GRIN3A: variants seen among roughly 807,000 people sequenced by gnomAD.
The protein encoded by GRIN3A is glutamate receptor ionotropic, NMDA 3A.
Under a neutral mutation model 92.4 loss-of-function variants are expected in GRIN3A, and 47 were observed. That is an observed-to-expected ratio of 0.51 (90% CI 0.40 to 0.65). GRIN3A has a LOEUF of 0.65. GRIN3A is among the 30% of genes least tolerant of loss of function. The pLI, the probability that GRIN3A is intolerant of heterozygous loss-of-function variation, is 0.00. For synonymous variants in GRIN3A, 527 were observed against 540.6 expected, an observed-to-expected ratio of 0.97 and a Z score of 0.35; for missense variants, 1,324 against 1,393.1, an observed-to-expected ratio of 0.95 and a Z score of 0.79.
intron 3 of GRIN3A, among the ~76,000 whole-genome samples, chr9:101,635,248 T>A (rs1828769769): frequency 1.3e-5 from 2 of 150,910 alleles, no homozygotes; most frequent in African/African-American, 4.9e-5. Flanking sequence ...TTGTAGGGAC[T>A]AGAGGTCAGC....
At chr9:101,696,359 G>C (rs1216516043) in intron 1 of GRIN3A, among the ~76,000 whole-genome samples, 1 of 152,202 alleles carries the variant, frequency 6.6e-6, no homozygotes, top group African/African-American at 2.4e-5. Flanking sequence ...CCCAGTCAGG[G>C]ATGAAAGAGG....
At chr9:101,588,095 T>A (rs1827971077) in intron 6 of GRIN3A, among the ~76,000 whole-genome samples, 1 of 151,980 alleles carries the variant, frequency 6.6e-6, no homozygotes, top group South Asian at 2.1e-4. Context: ...AAAGACAGAG[T>A]TTCCCAGGTG....
At chr9:101,653,960 G>C (rs989364663) in intron 3 of GRIN3A, among the ~76,000 whole-genome samples, 2 of 151,790 alleles carry the variant, frequency 1.3e-5, no homozygotes, top group Non-Finnish European at 2.9e-5. Context: ...ATTTAGAGCT[G>C]ACTTGTGTGG....
intron 1 of GRIN3A, among the ~76,000 whole-genome samples, chr9:101,720,478 A>G (rs1421548523): frequency 6.6e-6 from 1 of 152,130 alleles, no homozygotes; most frequent in Non-Finnish European, 1.5e-5. Context: ...TCCCGACTCC[A>G]TATCCCCTTG....
At chr9:101,634,149 C>T (rs1430381602) in intron 3 of GRIN3A, among the ~76,000 whole-genome samples, 1 of 151,606 alleles carries the variant, frequency 6.6e-6, no homozygotes, top group Non-Finnish European at 1.5e-5. Flanking sequence ...CTGGCTAACA[C>T]GGTGAAACCC....
intron 2 of GRIN3A, among the ~76,000 whole-genome samples, chr9:101,684,465 G>C (rs1829505750): frequency 6.6e-6 from 1 of 151,914 alleles, no homozygotes; most frequent in Non-Finnish European, 1.5e-5. Context: ...CTAGGCATTG[G>C]ATAAGGCTCA....
chr9:101,613,808 C>T lies in GRIN3A; in HGVS notation c.2615-281G>A, dbSNP rs181867773. Among the ~76,000 whole-genome samples the T allele has an allele frequency of 2.5e-3, 384 of 152,258 alleles. 2 individuals carry two copies. Among genetic ancestry groups the T allele is most frequent in the African/African-American group, 8.9e-3 (368 of 41,546 alleles). On this transcript the variant is annotated intron_variant, in intron 5 of 8. Transcript: ENST00000361820. ...CTTCTGCCTTTCCCATTAAGACATT[C>T]CTTAGAGGCAATCTTTGAGGTCTTT...
At chr9:101,653,040 G>A (rs1211572093) in intron 3 of GRIN3A, among the ~76,000 whole-genome samples, 4 of 151,694 alleles carry the variant, frequency 2.6e-5, no homozygotes, top group Admixed American at 1.3e-4. Context: ...TTTCACAAAT[G>A]TTTCCATTTA....
Position 101,710,320 on chromosome 9 carries a change from T to C in GRIN3A, c.700-23120A>G, listed in dbSNP as rs571721264. Among the ~76,000 whole-genome samples, 5 of 152,336 alleles carry C rather than the reference T, an allele frequency of 3.3e-5. No homozygotes were observed. The East Asian group carries it at 9.6e-4, about 29-fold the overall frequency. On this transcript the variant is annotated intron_variant, in intron 1 of 8. Coordinates refer to ENST00000361820, the MANE Select transcript of GRIN3A (RefSeq NM_133445.3). ...CAAATCTTTCTATTTTGGAGAATTC[T>C]TACTGAGTCTCATGCATACACACAA...
At chr9:101,621,455 A>G (rs1009288365) in intron 5 of GRIN3A, among the ~76,000 whole-genome samples, 22 of 152,154 alleles carry the variant, frequency 1.4e-4, no homozygotes, top group African/African-American at 5.3e-4. Context: ...AATTGAATTA[A>G]TTTTCTGATG....
At chr9:101,621,851 G>A (rs1466869186) in intron 5 of GRIN3A, among the ~76,000 whole-genome samples, 1 of 152,164 alleles carries the variant, frequency 6.6e-6, no homozygotes, top group African/African-American at 2.4e-5. Context: ...AATGGCAGAA[G>A]GGATCTCAGT....
chr9:101,658,760 G>GTCTATCTATCTATCTATCTA (rs60257626), intron 3 of GRIN3A, among the ~76,000 whole-genome samples: 4,212 of 151,444 alleles, frequency 0.028, 58 homozygotes, highest in South Asian at 0.037. Flanking sequence ...CTGTCTATCT[G>GTCTATCTATCTATCTATCTA]TCTATCTATC....
chr9:101,705,456 G>A (rs1829804320), intron 1 of GRIN3A, among the ~76,000 whole-genome samples: 1 of 152,090 alleles, frequency 6.6e-6, no homozygotes. Context: ...GCTCAATAAA[G>A]TCTCCACATT....
At chr9:101,575,380 C>T (rs986848259) in intron 8 of GRIN3A, among the ~76,000 whole-genome samples, 2 of 151,944 alleles carry the variant, frequency 1.3e-5, no homozygotes, top group Non-Finnish European at 2.9e-5. Context: ...TTTGAATAAT[C>T]TTAAAGTAAT....
chr9:101,688,322 A>T (rs1036753301), intron 1 of GRIN3A, among the ~76,000 whole-genome samples: 5 of 152,344 alleles, frequency 3.3e-5, no homozygotes, highest in Admixed American at 2.6e-4. Context: ...TACATGTAGA[A>T]TAAAAAGTGA....
intron 1 of GRIN3A, among the ~76,000 whole-genome samples, chr9:101,728,358 G>T (rs1830102635): frequency 6.6e-6 from 1 of 152,110 alleles, no homozygotes. Context: ...ACCCCTGGCG[G>T]TGAGGAGAGG....
chr9:101,682,592 T>A (rs1279110017), intron 2 of GRIN3A, among the ~76,000 whole-genome samples: 5 of 152,236 alleles, frequency 3.3e-5, no homozygotes, highest in Non-Finnish European at 7.3e-5. Flanking sequence ...CAACACATGG[T>A]CATTGGCTAG....
chr9:101,648,313 T>A (rs1207254443), intron 3 of GRIN3A, among the ~76,000 whole-genome samples: 1 of 152,104 alleles, frequency 6.6e-6, no homozygotes, highest in Non-Finnish European at 1.5e-5. Context: ...TATTTCATCA[T>A]GGTAAGAAAA....
At chr9:101,692,301 A>G (rs1045532928) in intron 1 of GRIN3A, among the ~76,000 whole-genome samples, 1 of 152,118 alleles carries the variant, frequency 6.6e-6, no homozygotes, top group African/African-American at 2.4e-5. Flanking sequence ...TTTCTTTAGT[A>G]ACAAGCTCCA....
Sources: allele counts gnomAD v4.1 joint callset (sites outside exome capture counted in the v4.1 genomes callset), GRCh38; gene constraint gnomAD v4.1.1; transcripts MANE v1.5; gene names NCBI Gene and HGNC (gene_info 2026-07-23, HGNC 2026-07-21).